Variants in SLC37A1 observed in about 807,000 individuals in gnomAD.
SLC37A1 encodes the protein glucose-6-phosphate exchanger SLC37A1.
SLC37A1 carries 49 observed loss-of-function variants against 75.3 expected under a neutral mutation model. The ratio of observed to expected loss-of-function variants is 0.65; its 90% CI spans 0.52 to 0.83. The LOEUF is 0.83. Ranked by LOEUF, SLC37A1 falls within the 40% of genes least tolerant of loss-of-function variation. The pLI, the probability that SLC37A1 is intolerant of heterozygous loss-of-function variation, is 0.00. For missense variants in SLC37A1, 566 were observed against 695.0 expected (o/e 0.81, Z 2.09); for synonymous variants, 268 against 292.1 (o/e 0.92, Z 0.84).
At chr21:42,511,840 C>G (rs1334886576), upstream of SLC37A1, among the ~76,000 whole-genome samples, 1 of 152,012 alleles carries the variant, frequency 6.6e-6, no homozygotes, top group African/African-American at 2.4e-5. Flanking sequence ...CATGACCTCA[C>G]TTATTTTTGG....
At chr21:42,565,361 C>G (rs1211583363) in intron 14 of SLC37A1, among the ~76,000 whole-genome samples, 1 of 152,280 alleles carries the variant, frequency 6.6e-6, no homozygotes, top group Non-Finnish European at 1.5e-5. Context: ...TCCGCTAGCC[C>G]CAGAACAAGG....
At chr21:42,504,255 C>G (rs1309557829) in intron 2 of SLC37A1, among the ~76,000 whole-genome samples, 6 of 152,084 alleles carry the variant, frequency 3.9e-5, no homozygotes, top group African/African-American at 1.2e-4. Flanking sequence ...GGGGACATGG[C>G]CTGGTCATTT....
chr21:42,555,055 G>A lies in SLC37A1; in HGVS notation c.849+913G>A, dbSNP rs1181551213. ...GTCTGGAGTGCAGTGGCATGATCTC[G>A]GCTCACTGCAACCTCCGCCTCCTGG... On this transcript the variant is annotated intron_variant, in intron 10 of 19. Coordinates refer to ENST00000352133, the MANE Select transcript of SLC37A1 (RefSeq NM_001320537.2). Among the ~76,000 whole-genome samples the A allele has an allele frequency of 3.4e-5, 5 of 147,446 alleles. No individual in the cohort carries two copies. The East Asian group carries it at 6.0e-4, about 18-fold the overall frequency.
chr21:42,509,926 A>G (rs2054419190), upstream of SLC37A1, among the ~76,000 whole-genome samples: 1 of 152,190 alleles, frequency 6.6e-6, no homozygotes, highest in Non-Finnish European at 1.5e-5. The surrounding 1 kb of genome is among the most constrained non-coding windows in gnomAD (Gnocchi z 4.2). Context: ...CCTTCAGGGA[A>G]ACCTCAGTTC....
At position 42,548,236 on chromosome 21, in the gene SLC37A1, C is replaced by A. The variant is rs549757773; in HGVS notation, c.768+1096C>A. Among the ~76,000 whole-genome samples the A allele has an allele frequency of 1.2e-4, 19 of 152,270 alleles. No individual in the cohort carries two copies. The highest frequency in any genetic ancestry group is 4.6e-4 in the African/African-American group (19 of 41,542). Reference sequence around the variant, plus strand: ...TCCAGGTGCGTTGATGTCGAGTCACCATGCTGTCCCCAGAGTGACCCACCC... The same window carrying A: ...TCCAGGTGCGTTGATGTCGAGTCACAATGCTGTCCCCAGAGTGACCCACCC... On this transcript the variant is annotated intron_variant, in intron 9 of 19. Transcript: ENST00000352133. The surrounding 1 kb of genome is among the most constrained non-coding windows in gnomAD (Gnocchi z 5.6).
intron 12 of SLC37A1, among the ~76,000 whole-genome samples, chr21:42,563,446 G>C (rs1230198792): frequency 6.7e-6 from 1 of 148,668 alleles, no homozygotes; most frequent in East Asian, 1.9e-4. Context: ...GTGCCGGGAG[G>C]CCTCTGTGTC....
At position 42,580,661 on chromosome 21, in the gene SLC37A1, G is replaced by T; in HGVS notation, c.*301G>T. 2 of 280,822 alleles carry T rather than the reference G, an allele frequency of 7.1e-6. No individual in the cohort carries two copies. Among genetic ancestry groups the T allele is most frequent in the South Asian group, 3.5e-5 (1 of 28,622 alleles). 17.4% of individuals were successfully genotyped at this position (280,822 alleles called of 1,614,324 possible). On this transcript the variant is annotated 3_prime_UTR_variant, in exon 20 of 20. Coordinates refer to ENST00000352133, the MANE Select transcript of SLC37A1 (RefSeq NM_001320537.2). ...CCCATGCAGCCACCCAAATGCACGC[G>T]TGACAACAAGGCCGGGAGGGTGGGG...
At chr21:42,526,816 T>C (rs8134555) in intron 3 of SLC37A1, among the ~76,000 whole-genome samples, 89 of 152,174 alleles carry the variant, frequency 5.8e-4, no homozygotes, top group African/African-American at 2.1e-3. Flanking sequence ...GTGGAAAACG[T>C]TTGCAGACCT....
intron 17 of SLC37A1, among the ~76,000 whole-genome samples, chr21:42,570,821 C>G (rs1285319684): frequency 6.6e-6 from 1 of 152,230 alleles, no homozygotes; most frequent in African/African-American, 2.4e-5. Context: ...ACAGAGGCCA[C>G]TGCCCACCAC....
intron 10 of SLC37A1, among the ~76,000 whole-genome samples, chr21:42,557,481 G>A (rs1601743135): frequency 1.3e-5 from 2 of 152,264 alleles, no homozygotes. Flanking sequence ...ATTATCATCG[G>A]GAGCATGTTA....
chr21:42,525,699 T>G (rs550324388), intron 2 of SLC37A1, 77 bp from the exon 3 acceptor site: 1 of 1,017,774 alleles, frequency 9.8e-7, no homozygotes, highest in East Asian at 2.4e-5. Context: ...TAAGAACGTT[T>G]CAGAACACAG....
chr21:42,535,656 C>A (rs997677652), intron 5 of SLC37A1, 106 bp downstream of exon 5: 3 of 959,632 alleles, frequency 3.1e-6, no homozygotes, highest in African/African-American at 1.6e-5. Context: ...TTGAGGCCCC[C>A]GCTTGCCACT....
chr21:42,550,080 G>A (rs1227677761), intron 9 of SLC37A1, among the ~76,000 whole-genome samples: 1 of 152,128 alleles, frequency 6.6e-6, no homozygotes, highest in African/African-American at 2.4e-5. Context: ...CAAAATATAA[G>A]GACTCTTTTA....
intron 6 of SLC37A1, among the ~76,000 whole-genome samples, chr21:42,540,377 A>G (rs1048179385): frequency 6.6e-6 from 1 of 152,194 alleles, no homozygotes; most frequent in Admixed American, 6.5e-5. Flanking sequence ...CTTGGGTCCA[A>G]GCCTACAAAG....
chr21:42,506,009 A>G (rs553970820), intron 2 of SLC37A1, among the ~76,000 whole-genome samples: 1 of 152,242 alleles, frequency 6.6e-6, no homozygotes, highest in Non-Finnish European at 1.5e-5. Flanking sequence ...CATGTGACAC[A>G]TTTAATAAGG....
At position 42,525,094 on chromosome 21, in the gene SLC37A1, G is replaced by A. The variant is rs113177560; in HGVS notation, c.57-682G>A. 9.8e-3 allele frequency among the ~76,000 whole-genome samples: 1,492 copies of A among 152,356 alleles called. 20 individuals carry two copies. The highest frequency in any genetic ancestry group is 0.034 in the African/African-American group (1,400 of 41,576). Reference sequence around the variant, plus strand: ...GGGCTTGCAGGCTGCTGAGCACGGGGAGGTTCCCGGAGGGTGGAGCCCTGG... The same window carrying A: ...GGGCTTGCAGGCTGCTGAGCACGGGAAGGTTCCCGGAGGGTGGAGCCCTGG... On this transcript the variant is annotated intron_variant, in intron 2 of 19. Transcript: ENST00000352133.
intron 2 of SLC37A1, among the ~76,000 whole-genome samples, chr21:42,521,700 C>T (rs916462332): frequency 6.6e-6 from 1 of 152,178 alleles, no homozygotes; most frequent in Non-Finnish European, 1.5e-5. Flanking sequence ...TGGTGGAAGC[C>T]AAGCATGCTA....
intron 4 of SLC37A1, 54 bp from the exon 5 acceptor site, chr21:42,535,418 G>C: frequency 6.8e-7 from 1 of 1,472,078 alleles, no homozygotes; most frequent in African/African-American, 1.4e-5. Context: ...CCGTGCTCTA[G>C]AACATAAACT....
chr21:42,559,885 A>AAC (rs1569028038), intron 11 of SLC37A1, among the ~76,000 whole-genome samples: 1 of 151,470 alleles, frequency 6.6e-6, no homozygotes, highest in Non-Finnish European at 1.5e-5. Flanking sequence ...CAAAAAAAAA[A>AAC]AAAAACCCAA....
Sources: allele counts gnomAD v4.1 joint callset (sites outside exome capture counted in the v4.1 genomes callset), GRCh38; gene constraint gnomAD v4.1.1; non-coding constraint Gnocchi (gnomAD v3.1); transcripts MANE v1.5; gene names NCBI Gene and HGNC (gene_info 2026-07-23, HGNC 2026-07-21).